TOP3A: variants seen among roughly 807,000 people sequenced by gnomAD.
The protein encoded by TOP3A is DNA topoisomerase 3-alpha.
A neutral mutation model predicts 111.3 loss-of-function variants in TOP3A; 64 were observed. The ratio of observed to expected loss-of-function variants is 0.57; its 90% confidence interval spans 0.47 to 0.71. The LOEUF is 0.71. Among genes scored for constraint, TOP3A ranks in the 30% least tolerant of loss-of-function variants. TOP3A has a pLI of 0.00. For missense variants in TOP3A, 1,104 were observed against 1,285.0 expected (o/e 0.86, Z 2.15); for synonymous variants, 484 against 485.1 (o/e 1.00, Z 0.03).
Position 18,308,877 on chromosome 17 carries a change from C to T in TOP3A, c.240+5G>A, listed in dbSNP as rs193023244. 1.9e-6 allele frequency: 3 copies of T among 1,557,408 alleles called. No individual in the cohort carries two copies. The highest frequency in any genetic ancestry group is 2.3e-5 in the East Asian group (1 of 43,658). On this transcript the variant is annotated splice_donor_5th_base_variant and intron_variant, in intron 2 of 18. Transcript: ENST00000321105. Reference sequence around the variant, plus strand: ...GAAATATTTTAGAAATATTTTAGCACCTACCTGGCCATACAGATGATAATC... The same window carrying T: ...GAAATATTTTAGAAATATTTTAGCATCTACCTGGCCATACAGATGATAATC...
In TOP3A at chr17:18,278,116, C is replaced by G. The variant is rs572424841; in HGVS notation, c.2386G>C (p.Ala796Pro). Residue 796 changes from alanine (A) to proline (P), a missense_variant, in exon 18 of 19, where the codon GCC becomes CCC. Transcript: ENST00000321105. ...SRQTGSSKAL[A>P]QTLPPPTAAG... ...GCCGTGGGTGGTGGGAGGGTCTGGG[C>G]CAGAGCCTTTGAGGACCCAGTCTGT... The G allele has an allele frequency of 4.5e-5, 72 of 1,614,210 alleles. 1 individual carries two copies. The South Asian group carries it at 7.5e-4, about 17-fold the overall frequency.
intron 9 of TOP3A, among the ~76,000 whole-genome samples, chr17:18,299,251 T>C (rs2142979454): frequency 6.6e-6 from 1 of 152,166 alleles, no homozygotes; most frequent in South Asian, 2.1e-4. Flanking sequence ...CATAGTGAGA[T>C]TCCATCTCTA....
chr17:18,277,643 G>A (rs1979460066), intron 18 of TOP3A, 32 bp downstream of exon 18: 2 of 1,579,842 alleles, frequency 1.3e-6, no homozygotes, highest in Non-Finnish European at 1.7e-6. Context: ...GAAAACTGAA[G>A]GCAGGGATTC....
At position 18,274,902 on chromosome 17, in the gene TOP3A, GC is replaced by G; in HGVS notation, c.2905del (p.Ala969ProfsTer39). On this transcript the variant is annotated frameshift_variant, in exon 19 of 19. Transcript: ENST00000321105. LOFTEE classifies it high-confidence loss of function. ...ESEARSKRPR[A>X]SSSDMGSTAK... is the part of the protein sequence containing the mutation. Reference sequence around the variant, plus strand: ...TGTGGACCCCATGTCTGAGGAACTGGCCCGGGGCCTTTTGCTTCTGGCTTCC... The same window carrying G: ...TGTGGACCCCATGTCTGAGGAACTGGCCGGGGCCTTTTGCTTCTGGCTTCC... 1 of 1,614,172 alleles carries G rather than the reference GC, an allele frequency of 6.2e-7. No individual in the cohort carries two copies. Among genetic ancestry groups the G allele is most frequent in the East Asian group, 2.2e-5 (1 of 44,880 alleles).
At chr17:18,304,711 T>C (rs531211785) in intron 5 of TOP3A, among the ~76,000 whole-genome samples, 2 of 152,278 alleles carry the variant, frequency 1.3e-5, no homozygotes, top group African/African-American at 4.8e-5. Flanking sequence ...TATTTTTGCT[T>C]CCATTAACCA....
intron 18 of TOP3A, among the ~76,000 whole-genome samples, chr17:18,277,185 CAA>C (rs34363304): frequency 0.026 from 2,462 of 96,430 alleles, 68 homozygotes; most frequent in African/African-American, 0.084. Flanking sequence ...ACTCAGTCTC[CAA>C]AAAAAAAAAA....
At chr17:18,277,571 A>G (rs1979455424) in intron 18 of TOP3A, 104 bp downstream of exon 18, 1 of 1,373,354 alleles carries the variant, frequency 7.3e-7, no homozygotes, top group Non-Finnish European at 9.9e-7. Context: ...TGCCCCTCCC[A>G]ATCCCACCAT....
chr17:18,293,778 G>A (rs8071001), intron 10 of TOP3A, among the ~76,000 whole-genome samples: 3,921 of 151,910 alleles, frequency 0.026, 166 homozygotes, highest in African/African-American at 0.084. Flanking sequence ...TGTATTTTTA[G>A]TAGAGATGGG....
chr17:18,296,121 T>C (rs1980787995), intron 9 of TOP3A, among the ~76,000 whole-genome samples: 1 of 152,164 alleles, frequency 6.6e-6, no homozygotes, highest in Non-Finnish European at 1.5e-5. Context: ...ACAGACAGTC[T>C]GAGAACCACA....
intron 9 of TOP3A, among the ~76,000 whole-genome samples, chr17:18,296,415 A>G (rs1980807823): frequency 6.6e-6 from 1 of 152,054 alleles, no homozygotes; most frequent in Non-Finnish European, 1.5e-5. Flanking sequence ...CCCCATCTCT[A>G]CTAAAAATAC....
chr17:18,275,293 CAAAAA>C (rs538677203), intron 18 of TOP3A, among the ~76,000 whole-genome samples: 1 of 60,728 alleles, frequency 1.6e-5, no homozygotes. Context: ...GACCCTGTCT[CAAAAA>C]AAAAAAAAAA....
chr17:18,299,598 C>T lies in TOP3A; in HGVS notation c.951G>A (p.Lys317=). Reference sequence around the variant, plus strand: ...CTTGAGGCCGCCACTTGCTCTTGGGCTTAGATCTGACCTCTACCACAGTTG... The same window carrying T: ...CTTGAGGCCGCCACTTGCTCTTGGGTTTAGATCTGACCTCTACCACAGTTG... ...PMATVVEVRS[K]PKSKWRPQAL... is the part of the protein sequence containing the mutation. Residue 317 remains lysine, a synonymous_variant, in exon 9 of 19, where the codon AAG becomes AAA. Coordinates refer to ENST00000321105, the MANE Select transcript of TOP3A (RefSeq NM_004618.5). 1 of 1,614,100 alleles carries T rather than the reference C, an allele frequency of 6.2e-7. No homozygotes were observed. The highest frequency in any genetic ancestry group is 2.2e-5 in the East Asian group (1 of 44,890).
At chr17:18,284,440 C>T (rs1979966525) in intron 15 of TOP3A, among the ~76,000 whole-genome samples, 1 of 152,130 alleles carries the variant, frequency 6.6e-6, no homozygotes, top group South Asian at 2.1e-4. Flanking sequence ...AAGTCCCAAC[C>T]TTCTAATCAC....
At chr17:18,301,668 A>G (rs1981235536) in intron 8 of TOP3A, among the ~76,000 whole-genome samples, 1 of 152,252 alleles carries the variant, frequency 6.6e-6, no homozygotes, top group African/African-American at 2.4e-5. Flanking sequence ...ACGTTTCCCA[A>G]AATTTCTGAT....
At chr17:18,298,152 A>G (rs1220184343) in intron 9 of TOP3A, among the ~76,000 whole-genome samples, 1 of 136,834 alleles carries the variant, frequency 7.3e-6, no homozygotes, top group African/African-American at 2.9e-5. Context: ...CCTGGCAACC[A>G]CCCCGTCTGA....
chr17:18,292,387 G>C (rs1053880847), intron 11 of TOP3A, among the ~76,000 whole-genome samples: 1 of 152,154 alleles, frequency 6.6e-6, no homozygotes, highest in African/African-American at 2.4e-5. Context: ...GTCTGCACAG[G>C]GGTTGCCTAT....
chr17:18,276,909 G>C (rs928811088), intron 18 of TOP3A, among the ~76,000 whole-genome samples: 1 of 152,184 alleles, frequency 6.6e-6, no homozygotes, highest in Non-Finnish European at 1.5e-5. Flanking sequence ...GGCTGGGCCA[G>C]GCACGGTGGC....
chr17:18,307,720 G>A (rs1392058918), intron 3 of TOP3A: 1 of 152,064 alleles, frequency 6.6e-6, no homozygotes, highest in Non-Finnish European at 1.5e-5. Flanking sequence ...GACCAGCCTG[G>A]GCAACAGGGT....
intron 13 of TOP3A, among the ~76,000 whole-genome samples, chr17:18,286,447 C>T (rs768999011): frequency 2.0e-5 from 3 of 152,018 alleles, no homozygotes; most frequent in Admixed American, 6.6e-5. Flanking sequence ...ACCTGGGAGG[C>T]GGAGCCTGCA....
Sources: gnomAD v4.1 joint callset for allele counts (sites outside exome capture counted in the v4.1 genomes callset) on GRCh38, gnomAD v4.1.1 for gene constraint, MANE v1.5 for transcripts, NCBI Gene and HGNC (gene_info 2026-07-23, HGNC 2026-07-21) for gene names.